Variants in KIF13B observed in about 807,000 individuals in gnomAD.
KIF13B encodes the protein kinesin family member 13B, also known as kinesin-like protein KIF13B.
KIF13B carries 127 observed loss-of-function variants against 222.0 expected under a neutral mutation model. That is an observed-to-expected ratio of 0.57 (90% CI 0.50 to 0.66). The LOEUF (loss-of-function observed/expected upper bound fraction) is 0.66, where lower values mean the gene tolerates loss of function less well. Ranked by LOEUF, KIF13B falls within the 30% of genes least tolerant of loss-of-function variation. The pLI, the probability that KIF13B is intolerant of heterozygous loss-of-function variation, is 0.00. For missense variants in KIF13B, 2,173 were observed against 2,379.0 expected (o/e 0.91, Z 1.80); for synonymous variants, 976 against 919.0 (o/e 1.06, Z -1.12).
In KIF13B at chr8:29,075,373, C is replaced by T. The variant is rs371428935; in HGVS notation, c.4459-30G>A. ...GGAGGCAAGTGTGCAGGTCAGGGGTCGAGAGGACAGAACAGGGGTAGCAGA... is the reference window on the plus strand; with the variant it reads ...GGAGGCAAGTGTGCAGGTCAGGGGTTGAGAGGACAGAACAGGGGTAGCAGA... On this transcript the variant is annotated intron_variant, in intron 37 of 39. Coordinates refer to ENST00000524189, the MANE Select transcript of KIF13B (RefSeq NM_015254.4). 1.7e-5 allele frequency: 26 copies of T among 1,546,906 alleles called. No individual in the cohort carries two copies. In the African/African-American group the frequency reaches 2.7e-4, roughly 16 times the overall value.
chr8:29,077,472 T>C (rs191806559), intron 37 of KIF13B, among the ~76,000 whole-genome samples: 232 of 152,372 alleles, frequency 1.5e-3, no homozygotes, highest in Non-Finnish European at 2.6e-3. Flanking sequence ...AAAAAACATT[T>C]CTCAAACTCC....
chr8:29,106,464 T>C (rs994719373), intron 35 of KIF13B, among the ~76,000 whole-genome samples: 4 of 152,100 alleles, frequency 2.6e-5, no homozygotes, highest in African/African-American at 9.6e-5. Context: ...AAACCCCGTC[T>C]CTACTAAAAA....
intron 23 of KIF13B, among the ~76,000 whole-genome samples, chr8:29,131,740 C>T (rs1810353809): frequency 6.6e-6 from 1 of 152,200 alleles, no homozygotes; most frequent in Admixed American, 6.5e-5. Context: ...CGGTAAGTCA[C>T]TATTCTCCAA....
chr8:29,153,761 C>T (rs1811399229), intron 14 of KIF13B, among the ~76,000 whole-genome samples: 2 of 152,118 alleles, frequency 1.3e-5, no homozygotes, highest in African/African-American at 4.8e-5. Flanking sequence ...TCTATCAGTC[C>T]TACAACCTGG....
At chr8:29,076,396 A>G (rs1439384512) in intron 37 of KIF13B, among the ~76,000 whole-genome samples, 1 of 152,128 alleles carries the variant, frequency 6.6e-6, no homozygotes, top group Non-Finnish European at 1.5e-5. Flanking sequence ...CTGCCCAGAG[A>G]TGTGGACTCC....
intron 21 of KIF13B, chr8:29,138,554 C>A: frequency 6.6e-6 from 1 of 152,262 alleles, no homozygotes. Flanking sequence ...GATCATCCCT[C>A]AAAGACAAAC....
At chr8:29,102,730 G>T (rs1468051570) in intron 35 of KIF13B, among the ~76,000 whole-genome samples, 1 of 152,222 alleles carries the variant, frequency 6.6e-6, no homozygotes, top group African/African-American at 2.4e-5. Context: ...GAAGAGGAGT[G>T]ACTCATGCTT....
At chr8:29,211,459 T>C (rs1193073036) in intron 2 of KIF13B, among the ~76,000 whole-genome samples, 1 of 27,004 alleles carries the variant, frequency 3.7e-5, no homozygotes, top group Non-Finnish European at 1.1e-4. Context: ...GGCCAGAGCC[T>C]GGTGGCCAGA....
chr8:29,233,538 T>C (rs1008118455), intron 2 of KIF13B, among the ~76,000 whole-genome samples: 3 of 152,274 alleles, frequency 2.0e-5, no homozygotes, highest in Admixed American at 1.3e-4. Flanking sequence ...CAATTTTAAT[T>C]AACCTGTGCT....
intron 10 of KIF13B, among the ~76,000 whole-genome samples, chr8:29,168,798 G>A (rs1411812864): frequency 6.6e-6 from 1 of 152,162 alleles, no homozygotes. Context: ...ACGTCATTAA[G>A]CCACACGCAC....
rs566940732 is a variant in KIF13B at position 29,070,643 on chromosome 8, A to G, written c.5342T>C (p.Leu1781Pro). The G allele has an allele frequency of 2.6e-6, 4 of 1,567,484 alleles. No individual in the cohort carries two copies. Among genetic ancestry groups the G allele is most frequent in the Non-Finnish European group, 3.5e-6 (4 of 1,156,112 alleles). ...TGPVRRRSTG[L>P]RLGAPEARRS... Reference sequence around the variant, plus strand: ...GCGGGCCTCGGGGGCACCCAGCCGGAGTCCTGTGCTGCGCCGCCGCACAGG... The same window carrying G: ...GCGGGCCTCGGGGGCACCCAGCCGGGGTCCTGTGCTGCGCCGCCGCACAGG... The change falls in exon 40 of 40, where the codon CTC becomes CCC. Residue 1781 changes from leucine to proline, a missense_variant. Coordinates refer to ENST00000524189, the MANE Select transcript of KIF13B (RefSeq NM_015254.4). The surrounding 1 kb of genome is among the most constrained non-coding windows in gnomAD (Gnocchi z 4.1).
intron 37 of KIF13B, among the ~76,000 whole-genome samples, chr8:29,087,027 G>GCCAGTGTGTGCGCAGGGCAGT (rs1369051124): frequency 2.0e-5 from 3 of 152,332 alleles, no homozygotes; most frequent in African/African-American, 7.2e-5. Flanking sequence ...CCGTAGCCAC[G>GCCAGTGTGTGCGCAGGGCAGT]CCAGTGTGTG....
chr8:29,105,261 G>C (rs969954418), intron 35 of KIF13B, among the ~76,000 whole-genome samples: 1 of 151,944 alleles, frequency 6.6e-6, no homozygotes, highest in Non-Finnish European at 1.5e-5. Context: ...ATGAGCCACC[G>C]CGCCCGGCCT....
chr8:29,211,410 C>A (rs1301810303), intron 2 of KIF13B, among the ~76,000 whole-genome samples: 2 of 74,754 alleles, frequency 2.7e-5, no homozygotes, highest in African/African-American at 9.1e-5. Flanking sequence ...AGCCCTTCGA[C>A]TGCCCAGGTT....
rs145900743 is a variant in KIF13B, at chr8:29,246,658, G to C, written c.56-1219C>G. ...AATTCAGAATAGACAAAACAATCTT[G>C]AAAAAGAAAAGGAGGGCACTCACCC... On this transcript the variant is annotated intron_variant, in intron 1 of 39. Transcript: ENST00000524189. Among the ~76,000 whole-genome samples, 296 of 152,136 alleles carry C rather than the reference G, an allele frequency of 1.9e-3. 13 individuals carry two copies. In the East Asian group the frequency reaches 0.052, roughly 27 times the overall value.
chr8:29,220,292 T>C (rs1814684029), intron 2 of KIF13B, among the ~76,000 whole-genome samples: 1 of 152,160 alleles, frequency 6.6e-6, no homozygotes, highest in Non-Finnish European at 1.5e-5. Flanking sequence ...GTATTCCCAG[T>C]GGTCACTAGC....
rs895262826 is a variant in KIF13B, at chr8:29,067,772, ACTC to A, written c.*2729_*2731del. 34 of 152,262 alleles carry A rather than the reference ACTC, an allele frequency of 2.2e-4. No homozygotes were observed. The highest frequency in any genetic ancestry group is 6.8e-4 in the African/African-American group (28 of 41,468). The allele number at this position is 152,262 out of a possible 1,614,324, so 9.4% of individuals were successfully genotyped here. On this transcript the variant is annotated 3_prime_UTR_variant, in exon 40 of 40. Transcript: ENST00000524189. ...TGCTAGGAAGTAACGGGGGATCAGA[ACTC>A]CTCCACCTCTCAGGCTCCAGCAGTC...
In KIF13B at chr8:29,176,171, G is replaced by C; in HGVS notation, c.842C>G (p.Thr281Arg). 1 of 1,605,110 alleles carries C rather than the reference G, an allele frequency of 6.2e-7. No homozygotes were observed. Among genetic ancestry groups the C allele is most frequent in the Non-Finnish European group, 8.5e-7 (1 of 1,172,410 alleles). ...KEGSNINKSL[T>R]TLGLVISALA... ...AGCTGAGATAACCAGACCGAGGGTT[G>C]TGAGGGACCTGCATGGTGCAACAAA... The change falls in exon 10 of 40, where the codon ACA becomes AGA. Residue 281 changes from threonine (T) to arginine (R), a missense_variant. By Grantham distance (71) the Thr-to-Arg change is moderately conservative (BLOSUM62 -1). This residue lies in a region of KIF13B where 1,480 missense variants were observed against 1,722.8 expected (regional missense o/e 0.86). Transcript: ENST00000524189.
intron 31 of KIF13B, among the ~76,000 whole-genome samples, chr8:29,115,221 T>C (rs1400169526): frequency 6.6e-6 from 1 of 152,088 alleles, no homozygotes; most frequent in South Asian, 2.1e-4. Context: ...CTGGTTTTAG[T>C]CAGTGTATTG....
Sources: gnomAD v4.1 joint callset for allele counts (sites outside exome capture counted in the v4.1 genomes callset) on GRCh38, gnomAD v4.1.1 for gene constraint, gnomAD v4.1.1 regional missense constraint, Gnocchi (gnomAD v3.1) non-coding constraint, MANE v1.5 for transcripts, NCBI Gene and HGNC (gene_info 2026-07-23, HGNC 2026-07-21) for gene names.